CFH: variants seen among roughly 807,000 people sequenced by gnomAD.
CFH encodes H factor 1 (complement).
CFH carries 53 observed loss-of-function variants against 147.3 expected under a neutral mutation model. That is an observed-to-expected ratio of 0.36 (90% confidence interval 0.29 to 0.45). The LOEUF (loss-of-function observed/expected upper bound fraction) is 0.45. CFH is among the 20% of genes least tolerant of loss of function. The pLI, the probability that CFH is intolerant of heterozygous loss-of-function variation, is 1.00. For synonymous variants in CFH, 536 were observed against 489.4 expected, an observed-to-expected ratio of 1.10 and a Z score of -1.26; for missense variants, 1,380 against 1,498.0, an observed-to-expected ratio of 0.92 and a Z score of 1.30.
At chr1:196,737,397 C>G in intron 16 of CFH, 78 bp from the exon 17 acceptor site, 1 of 1,036,804 alleles carries the variant, frequency 9.6e-7, no homozygotes, top group Non-Finnish European at 1.4e-6. Context: ...CTTTAAAATC[C>G]GAAATAGTAT....
intron 1 of CFH, among the ~76,000 whole-genome samples, chr1:196,662,480 C>A (rs7519439): frequency 0.071 from 10,682 of 150,650 alleles, 1,199 homozygotes; most frequent in African/African-American, 0.24. Flanking sequence ...CTTTGTTTTT[C>A]ATTTCTTCTT....
At chr1:196,692,783 T>C (rs1323214159) in intron 9 of CFH, among the ~76,000 whole-genome samples, 18 of 110,182 alleles carry the variant, frequency 1.6e-4, no homozygotes, top group African/African-American at 7.0e-4. Flanking sequence ...TCTTTCTTTC[T>C]TTCTTTCTTT....
chr1:196,701,562 G>T (rs924066095), intron 9 of CFH: 1 of 566,808 alleles, frequency 1.8e-6, no homozygotes, highest in African/African-American at 1.9e-5. Flanking sequence ...TTTCTCTGCT[G>T]CAAACCCCAC....
Position 196,740,668 on chromosome 1 carries a change from C to T in CFH, c.2832C>T (p.His944=), listed in dbSNP as rs61755704. 3 of 1,613,842 alleles carry T rather than the reference C, an allele frequency of 1.9e-6. No homozygotes were observed. Among genetic ancestry groups the T allele is most frequent in the Non-Finnish European group, 2.5e-6 (3 of 1,179,938 alleles). The part of the protein sequence containing the change: ...PPEISHGVVA[H]MSDSYQYGEE... ...AGATTTCTCATGGTGTTGTAGCTCA[C>T]ATGTCAGACAGTTATCAGTATGGAG... The change falls in exon 18 of 22, where the codon CAC becomes CAT. Residue 944 remains histidine, a synonymous_variant. Transcript: ENST00000367429.
chr1:196,687,125 G>A (rs1667855664), intron 7 of CFH, among the ~76,000 whole-genome samples: 1 of 151,760 alleles, frequency 6.6e-6, no homozygotes, highest in South Asian at 2.1e-4. Flanking sequence ...CCTGGACTTG[G>A]GTCAAATAAA....
At position 196,702,333 on chromosome 1, in the gene CFH, C is replaced by T. The variant is rs183123397; in HGVS notation, c.1337-11402C>T. On this transcript the variant is annotated intron_variant, in intron 9 of 21. Coordinates refer to ENST00000367429, the MANE Select transcript of CFH (RefSeq NM_000186.4). ...ATACCCAACAGGGAACTCCATTTAG[C>T]CGGGGAGTCACTCTGGTTCTGAGAG... Among the ~76,000 whole-genome samples the T allele has an allele frequency of 7.6e-3, 1,152 of 152,122 alleles. 6 individuals are homozygous for T. The highest frequency in any genetic ancestry group is 0.013 in the South Asian group (62 of 4,800).
chr1:196,724,497 G>A (rs967120283), intron 11 of CFH, among the ~76,000 whole-genome samples: 4 of 152,086 alleles, frequency 2.6e-5, no homozygotes, highest in East Asian at 1.9e-4. Flanking sequence ...GGATCCACAC[G>A]GTGAGCTGCA....
chr1:196,740,895 G>T (rs1479561711), intron 18 of CFH, 103 bp downstream of exon 18: 1 of 1,208,332 alleles, frequency 8.3e-7, no homozygotes, highest in East Asian at 2.4e-5. Flanking sequence ...AATTCATAAG[G>T]TTTTCTTGAA....
chr1:196,701,497 ATTCAGCTCCTCC>A, intron 9 of CFH: 1 of 1,039,962 alleles, frequency 9.6e-7, no homozygotes, highest in Middle Eastern at 2.9e-4. Flanking sequence ...GGAAATGCTA[ATTCAGCTCCTCC>A]AGGCAGCCCA....
At chr1:196,683,011 G>T (rs1331152157) in intron 6 of CFH, among the ~76,000 whole-genome samples, 1 of 151,312 alleles carries the variant, frequency 6.6e-6, no homozygotes, top group South Asian at 2.1e-4. Flanking sequence ...CAACTTATGA[G>T]AAAGGAATGG....
chr1:196,728,848 C>T (rs999948678), intron 15 of CFH, among the ~76,000 whole-genome samples: 1 of 151,940 alleles, frequency 6.6e-6, no homozygotes, highest in Non-Finnish European at 1.5e-5. Flanking sequence ...GTGCCTATAC[C>T]TCTGTCTATG....
chr1:196,666,826 G>T (rs1034426837), intron 1 of CFH, among the ~76,000 whole-genome samples: 2 of 148,470 alleles, frequency 1.3e-5, no homozygotes, highest in African/African-American at 2.5e-5. Context: ...AAAAAAAAAA[G>T]GGTTGCTTAA....
chr1:196,685,308 C>G lies in CFH; in HGVS notation c.964+71C>G, dbSNP rs1018081402. The G allele has an allele frequency of 5.6e-6, 8 of 1,417,136 alleles. No homozygotes were observed. In the African/African-American group the frequency reaches 8.5e-5, roughly 15 times the overall value. The allele number at this position is 1,417,136 out of a possible 1,614,324, so 87.8% of individuals were successfully genotyped here. ...CTTTTAAACACATAAAAAATAGGGA[C>G]TCAATAAAACCAAATATTTGTCTTA... On this transcript the variant is annotated intron_variant, in intron 7 of 21. Coordinates refer to ENST00000367429, the MANE Select transcript of CFH (RefSeq NM_000186.4).
rs149474608 is a variant in CFH at position 196,740,686 on chromosome 1, G to T, written c.2850G>T (p.Gln950His). Residue 950 changes from glutamine to histidine, a missense_variant, in exon 18 of 22, where the codon CAG (glutamine) becomes CAT (histidine). This residue lies in a region of CFH where 830 missense variants were observed against 821.4 expected (regional missense o/e 1.01). Coordinates refer to ENST00000367429, the MANE Select transcript of CFH (RefSeq NM_000186.4). The part of the protein sequence containing the change: ...GVVAHMSDSY[Q>H]YGEEVTYKCF... ...TAGCTCACATGTCAGACAGTTATCA[G>T]TATGGAGAAGAAGTTACGTACAAAT... 7,469 of 1,613,902 alleles carry T rather than the reference G, an allele frequency of 4.6e-3. 25 individuals are homozygous for T. Among genetic ancestry groups the T allele is most frequent in the Non-Finnish European group, 5.3e-3 (6,272 of 1,179,966 alleles).
At chr1:196,742,520 T>C (rs928799373) in intron 19 of CFH, among the ~76,000 whole-genome samples, 2 of 152,228 alleles carry the variant, frequency 1.3e-5, no homozygotes, top group African/African-American at 4.8e-5. Context: ...AGTAGTCGTA[T>C]GCCTAAAAAT....
chr1:196,737,469 A>C lies in CFH; in HGVS notation c.2597-6A>C. The C allele has an allele frequency of 1.2e-6, 2 of 1,604,394 alleles. No homozygotes were observed. Among genetic ancestry groups the C allele is most frequent in the Non-Finnish European group, 1.7e-6 (2 of 1,172,442 alleles). ...TTTAACCCTTTGATTTTCATTCTTC[A>C]TTTAGAAAAAATTCCATGTTCACAA... On this transcript the variant is annotated splice_region_variant and splice_polypyrimidine_tract_variant and intron_variant, in intron 16 of 21. Transcript: ENST00000367429.
At chr1:196,709,761 T>C (rs1302385465) in intron 9 of CFH, among the ~76,000 whole-genome samples, 1 of 152,106 alleles carries the variant, frequency 6.6e-6, no homozygotes, top group East Asian at 1.9e-4. Flanking sequence ...TGATAATCTT[T>C]CTGCATGAGT....
chr1:196,699,044 GA>G (rs1668372860), intron 9 of CFH, among the ~76,000 whole-genome samples: 2 of 151,998 alleles, frequency 1.3e-5, no homozygotes, highest in Non-Finnish European at 2.9e-5. Context: ...GGTATTGATG[GA>G]ACATATCTCA....
chr1:196,657,442 T>A (rs940509112), intron 1 of CFH, among the ~76,000 whole-genome samples: 1 of 152,164 alleles, frequency 6.6e-6, no homozygotes, highest in African/African-American at 2.4e-5. Context: ...GGGTCAAAAA[T>A]ACAGTATTGG....
Sources: gnomAD v4.1 joint callset for allele counts (sites outside exome capture counted in the v4.1 genomes callset) on GRCh38, gnomAD v4.1.1 for gene constraint, gnomAD v4.1.1 regional missense constraint, MANE v1.5 for transcripts, NCBI Gene and HGNC (gene_info 2026-07-23, HGNC 2026-07-21) for gene names.